CRMP1: variants seen among roughly 807,000 people sequenced by gnomAD.
The protein encoded by CRMP1 is dihydropyrimidinase-related protein 1.
In CRMP1, 19 loss-of-function variants were observed where a neutral mutation model predicts 68.3. That is an observed-to-expected ratio of 0.28 (90% CI 0.19 to 0.41). The LOEUF is 0.41. Among genes scored for constraint, CRMP1 ranks in the 10% least tolerant of loss-of-function variants. CRMP1 has a pLI of 1.00. For missense variants in CRMP1, 791 were observed against 967.4 expected, an observed-to-expected ratio of 0.82 and a Z score of 2.42; for synonymous variants, 439 against 399.6, an observed-to-expected ratio of 1.10 and a Z score of -1.18.
intron 11 of CRMP1, among the ~76,000 whole-genome samples, chr4:5,830,745 C>T (rs1226873265): frequency 6.6e-6 from 1 of 152,150 alleles, no homozygotes; most frequent in Non-Finnish European, 1.5e-5. Context: ...GACTGATACC[C>T]CCGGGCCCAG....
At position 5,838,946 on chromosome 4, in the gene CRMP1, G is replaced by T. The variant is rs1335093230; in HGVS notation, c.1310+576C>A. ...AGCGGCCTGGACACTTAGCCTCGCT[G>T]TGTGGCCCTGCTATTGCTAAGTGCT... On this transcript the variant is annotated intron_variant, in intron 9 of 13. Transcript: ENST00000324989. The surrounding 1 kb of genome is among the most constrained non-coding windows in gnomAD (Gnocchi z 4.9). Among the ~76,000 whole-genome samples, 1 of 152,210 alleles carries T rather than the reference G, an allele frequency of 6.6e-6. No individual in the cohort carries two copies. The highest frequency in any genetic ancestry group is 2.4e-5 in the African/African-American group (1 of 41,458).
intron 1 of CRMP1, among the ~76,000 whole-genome samples, chr4:5,884,143 C>T (rs576549548): frequency 6.6e-6 from 1 of 152,134 alleles, no homozygotes; most frequent in African/African-American, 2.4e-5. Flanking sequence ...TCCTGCTATT[C>T]GACTTCCATC....
At position 5,870,843 on chromosome 4, in the gene CRMP1, C is replaced by T. The variant is rs996374798; in HGVS notation, c.382-4087G>A. 6.6e-6 allele frequency among the ~76,000 whole-genome samples: 1 copy of T among 152,198 alleles called. No homozygotes were observed. Among genetic ancestry groups the T allele is most frequent in the Admixed American group, 6.5e-5 (1 of 15,290 alleles). On this transcript the variant is annotated intron_variant, in intron 1 of 13. Coordinates refer to ENST00000324989, the MANE Select transcript of CRMP1 (RefSeq NM_001014809.3). This position sits in a 1 kb window ranked among gnomAD's most constrained non-coding sequence, Gnocchi z 6.0. ...GGGAAAAAGAGGCCCAGGCTCTGCA[C>T]GTCCAGGAAGCACCCACAAGCTGGC...
chr4:5,892,660 C>A lies in CRMP1; in HGVS notation c.310G>T (p.Glu104Ter). 1 of 1,194,292 alleles carries A rather than the reference C, an allele frequency of 8.4e-7. No homozygotes were observed. Among genetic ancestry groups the A allele is most frequent in the East Asian group, 3.6e-5 (1 of 27,594 alleles). The allele number at this position is 1,194,292 out of a possible 1,614,324, so 74.0% of individuals were successfully genotyped here. A position where few individuals can be genotyped will look rare whatever the true frequency, so the allele number is the denominator to read the frequency against. Reference protein sequence around the residue: ...SAVSSPGERDERPPTLRIRRP... With the variant: ...SAVSSPGERD ...CGGATGCGCAGCGTCGGCGGCCGCT[C>A]GTCGCGCTCTCCGGGAGAGCTGACC... Residue 104 changes from glutamate (E) to a stop codon, truncating the protein, a stop_gained, in exon 1 of 14, where the codon GAG (glutamate) becomes TAG (stop). Coordinates refer to ENST00000324989, the MANE Select transcript of CRMP1 (RefSeq NM_001014809.3). LOFTEE classifies it high-confidence loss of function. This position sits in a 1 kb window ranked among gnomAD's most constrained non-coding sequence, Gnocchi z 8.6.
intron 4 of CRMP1, 44 bp from the exon 5 acceptor site, chr4:5,851,513 A>C (rs1359042828): frequency 1.3e-6 from 2 of 1,569,508 alleles, no homozygotes; most frequent in African/African-American, 2.7e-5. Flanking sequence ...TTAAGAAAAA[A>C]CAGAAGCATG....
In CRMP1 at chr4:5,855,680, C is replaced by T. The variant is rs1713005680; in HGVS notation, c.820+463G>A. ...CCCCAAAGGAGGCCTAAGTAACCGG[C>T]ATTGGCTATTCAAGGAATGAAGCAA... On this transcript the variant is annotated intron_variant, in intron 4 of 13. Transcript: ENST00000324989. This position sits in a 1 kb window ranked among gnomAD's most constrained non-coding sequence, Gnocchi z 4.9. Among the ~76,000 whole-genome samples, 1 of 152,158 alleles carries T rather than the reference C, an allele frequency of 6.6e-6. No individual in the cohort carries two copies.
chr4:5,887,573 T>G, intron 1 of CRMP1: 1 of 985,352 alleles, frequency 1.0e-6, no homozygotes, highest in South Asian at 4.7e-5. Context: ...CTGTTCTGCC[T>G]CCACCACCGT....
At position 5,877,520 on chromosome 4, in the gene CRMP1, C is replaced by T. The variant is rs1714923574; in HGVS notation, c.382-10764G>A. 6.6e-6 allele frequency among the ~76,000 whole-genome samples: 1 copy of T among 152,206 alleles called. No homozygotes were observed. Among genetic ancestry groups the T allele is most frequent in the African/African-American group, 2.4e-5 (1 of 41,460 alleles). ...CTCATATTTATTCACAGAAACCATC[C>T]ATTTGCCTTTGATTTTGCCTCCGGG... On this transcript the variant is annotated intron_variant, in intron 1 of 13. Transcript: ENST00000324989. The surrounding 1 kb of genome is among the most constrained non-coding windows in gnomAD (Gnocchi z 4.3).
chr4:5,851,989 A>C (rs113301192), intron 4 of CRMP1, among the ~76,000 whole-genome samples: 157 of 75,532 alleles, frequency 2.1e-3, no homozygotes, highest in African/African-American at 5.8e-3. Flanking sequence ...AGGAAGAGGA[A>C]GAGGAGGAGA....
At chr4:5,856,873 TCACCAC>T (rs201756940) in intron 3 of CRMP1, among the ~76,000 whole-genome samples, 1 of 135,322 alleles carries the variant, frequency 7.4e-6, no homozygotes, top group African/African-American at 3.0e-5. Context: ...ATCATCACCA[TCACCAC>T]CACCACCACC....
intron 12 of CRMP1, among the ~76,000 whole-genome samples, chr4:5,827,252 C>A (rs929638469): frequency 6.6e-6 from 1 of 152,240 alleles, no homozygotes. Context: ...AGGGGTGTGT[C>A]TGCCTCTTCA....
In CRMP1 at chr4:5,830,669, T is replaced by C. The variant is rs549837881; in HGVS notation, c.1624-2001A>G. On this transcript the variant is annotated intron_variant, in intron 11 of 13. Coordinates refer to ENST00000324989, the MANE Select transcript of CRMP1 (RefSeq NM_001014809.3). ...CAGTCAGTCTATTCCTTGGCTCTCT[T>C]TTCTTGTACCCCTGCCAAACTGTTT... Among the ~76,000 whole-genome samples the C allele has an allele frequency of 9.8e-5, 15 of 152,304 alleles. No individual in the cohort carries two copies. The South Asian group carries it at 2.1e-3, about 21-fold the overall frequency.
At chr4:5,832,584 GA>G (rs1351568186) in intron 11 of CRMP1, among the ~76,000 whole-genome samples, 1 of 152,140 alleles carries the variant, frequency 6.6e-6, no homozygotes, top group Admixed American at 6.5e-5. Context: ...TCCATGTTCT[GA>G]AAAAATTGCA....
Position 5,855,771 on chromosome 4 carries a change from G to A in CRMP1, c.820+372C>T, listed in dbSNP as rs1177492471. 1.3e-5 allele frequency among the ~76,000 whole-genome samples: 2 copies of A among 152,174 alleles called. No homozygotes were observed. Among genetic ancestry groups the A allele is most frequent in the Non-Finnish European group, 2.9e-5 (2 of 68,032 alleles). On this transcript the variant is annotated intron_variant, in intron 4 of 13. Transcript: ENST00000324989. The surrounding 1 kb of genome is among the most constrained non-coding windows in gnomAD (Gnocchi z 4.9). ...AGCACTGGGCAGGCAGAGGAGAAAG[G>A]GCATTCATTCCTGGCAGGGGATCCA...
In CRMP1 at chr4:5,856,014, G is replaced by T. The variant is rs565298571; in HGVS notation, c.820+129C>A. 52 of 1,047,042 alleles carry T rather than the reference G, an allele frequency of 5.0e-5. No homozygotes were observed. The African/African-American group carries it at 8.3e-4, about 17-fold the overall frequency. The allele number at this position is 1,047,042 out of a possible 1,614,324, so 64.9% of individuals were successfully genotyped here. A position where few individuals can be genotyped will look rare whatever the true frequency, so the allele number is the denominator to read the frequency against. The stretch of plus-strand genomic sequence containing the variant: ...GACTGGCCTGTTTCCTCACTGTCAC[G>T]TGGCAGAGTGCAGCTCATAATCAGG... On this transcript the variant is annotated intron_variant, in intron 4 of 13. Transcript: ENST00000324989.
At chr4:5,880,220 G>A (rs1359692805) in intron 1 of CRMP1, among the ~76,000 whole-genome samples, 3 of 152,200 alleles carry the variant, frequency 2.0e-5, no homozygotes, top group Non-Finnish European at 4.4e-5. Context: ...GGGGAGAATG[G>A]TGGGGGCAGG....
intron 13 of CRMP1, among the ~76,000 whole-genome samples, chr4:5,823,605 T>C (rs1016973422): frequency 3.9e-5 from 6 of 152,156 alleles, no homozygotes; most frequent in Non-Finnish European, 2.9e-5. Context: ...GAGTAAATTC[T>C]TGCTCTATTA....
At position 5,866,564 on chromosome 4, in the gene CRMP1, C is replaced by A. The variant is rs1057451455; in HGVS notation, c.470+104G>T. 4.5e-5 allele frequency: 36 copies of A among 806,022 alleles called. No individual in the cohort carries two copies. The African/African-American group carries it at 4.9e-4, about 11-fold the overall frequency. The allele number at this position is 806,022 out of a possible 1,614,324, so 49.9% of individuals were successfully genotyped here. On this transcript the variant is annotated intron_variant, in intron 2 of 13. Coordinates refer to ENST00000324989, the MANE Select transcript of CRMP1 (RefSeq NM_001014809.3). This position sits in a 1 kb window ranked among gnomAD's most constrained non-coding sequence, Gnocchi z 5.9. The stretch of plus-strand genomic sequence containing the variant: ...GGTCTCTACCCCTGAAACACAGGTA[C>A]ACAGCCCCGTCATTCTAGGACAGAA...
rs142453580 is a variant in CRMP1 at position 5,853,074 on chromosome 4, T to C, written c.821-1605A>G. On this transcript the variant is annotated intron_variant, in intron 4 of 13. Transcript: ENST00000324989. This position sits in a 1 kb window ranked among gnomAD's most constrained non-coding sequence, Gnocchi z 4.7. ...GCCAGGCAGACAGCTTGCAATTTAT[T>C]CTGGGGATAATGTGGAATTGCTGAG... 2.0e-5 allele frequency among the ~76,000 whole-genome samples: 3 copies of C among 152,290 alleles called. No homozygotes were observed. The East Asian group carries it at 5.8e-4, about 29-fold the overall frequency.
Sources: allele counts gnomAD v4.1 joint callset (sites outside exome capture counted in the v4.1 genomes callset), GRCh38; gene constraint gnomAD v4.1.1; non-coding constraint Gnocchi (gnomAD v3.1); transcripts MANE v1.5; gene names NCBI Gene and HGNC (gene_info 2026-07-23, HGNC 2026-07-21).